Variants in TSC22D1 observed in about 807,000 individuals in gnomAD.
The protein encoded by TSC22D1 is TSC22 domain family member 1, also known as TSC22 domain family protein 1.
TSC22D1 carries 9 observed loss-of-function variants against 74.2 expected under a neutral mutation model. That is an observed-to-expected ratio of 0.12 (90% CI 0.07 to 0.21). The LOEUF (loss-of-function observed/expected upper bound fraction) is 0.21, where lower values mean the gene tolerates loss of function less well. Ranked by LOEUF, TSC22D1 falls within the 10% of genes least tolerant of loss-of-function variation. The pLI, the probability that TSC22D1 is intolerant of heterozygous loss-of-function variation, is 1.00. For missense variants in TSC22D1, 1,427 were observed against 1,304.7 expected, an observed-to-expected ratio of 1.09 and a Z score of -1.44; for synonymous variants, 586 against 492.5, an observed-to-expected ratio of 1.19 and a Z score of -2.51.
upstream of TSC22D1, chr13:44,577,321 G>A (rs1271852101): frequency 2.0e-5 from 3 of 152,492 alleles, no homozygotes; most frequent in Non-Finnish European, 4.4e-5. Context: ...AGTCTCTCGC[G>A]GCATCGGGAG....
At chr13:44,517,855 ATATTTTT>A (rs1880116810) in intron 1 of TSC22D1, among the ~76,000 whole-genome samples, 11 of 23,572 alleles carry the variant, frequency 4.7e-4, no homozygotes, top group African/African-American at 1.2e-3. Context: ...ATATATATAT[ATATTTTT>A]TTTTTTTTTT....
At chr13:44,483,689 T>G (rs1878295509) in intron 1 of TSC22D1, among the ~76,000 whole-genome samples, 1 of 150,782 alleles carries the variant, frequency 6.6e-6, no homozygotes, top group Non-Finnish European at 1.5e-5. Flanking sequence ...AAAAAAGAAT[T>G]ATGAAACAAG....
intron 1 of TSC22D1, among the ~76,000 whole-genome samples, chr13:44,558,033 G>C (rs950440275): frequency 6.6e-6 from 1 of 152,126 alleles, no homozygotes; most frequent in Non-Finnish European, 1.5e-5. Context: ...GGAATTATTA[G>C]GTACACTCAT....
rs190739702 is a variant in TSC22D1, at chr13:44,434,201, G to A, written c.*425C>T. On this transcript the variant is annotated 3_prime_UTR_variant, in exon 3 of 3. Transcript: ENST00000458659. ...CCTCCTTTCAAGTTCCTCCTGGGGG[G>A]AGGAGAGGAGAGAGGCGAGTCCAGT... 2 of 1,450,500 alleles carry A rather than the reference G, an allele frequency of 1.4e-6. No individual in the cohort carries two copies. Among genetic ancestry groups the A allele is most frequent in the East Asian group, 2.6e-5 (1 of 37,958 alleles). 89.9% of individuals were successfully genotyped at this position (1,450,500 alleles called of 1,614,324 possible).
chr13:44,576,082 G>C lies in TSC22D1; in HGVS notation c.-8C>G. ...CTCAGGCGGCTGGTGCATTGTGTTG[G>C]GTACCGGGGGCGCGGAGGAGACGAG... On this transcript the variant is annotated 5_prime_UTR_variant, in exon 1 of 3. Coordinates refer to ENST00000458659, the MANE Select transcript of TSC22D1 (RefSeq NM_183422.4). The C allele has an allele frequency of 1.3e-6, 2 of 1,526,794 alleles. No homozygotes were observed. Among genetic ancestry groups the C allele is most frequent in the Non-Finnish European group, 1.8e-6 (2 of 1,142,230 alleles). The allele number at this position is 1,526,794 out of a possible 1,614,324, so 94.6% of individuals were successfully genotyped here.
At chr13:44,546,065 G>A (rs1011406543) in intron 1 of TSC22D1, among the ~76,000 whole-genome samples, 22 of 152,020 alleles carry the variant, frequency 1.4e-4, no homozygotes, top group Non-Finnish European at 4.4e-5. Context: ...TACGTTTTGC[G>A]AATTAGGCTG....
chr13:44,565,427 A>ACTT (rs1360382239), intron 1 of TSC22D1, among the ~76,000 whole-genome samples: 17 of 152,154 alleles, frequency 1.1e-4, no homozygotes, highest in African/African-American at 3.9e-4. Flanking sequence ...GGTCAAATTG[A>ACTT]CTGGTAAAGA....
chr13:44,434,070 T>C lies in TSC22D1; in HGVS notation c.*556A>G, dbSNP rs764016553. Reference sequence around the variant, plus strand: ...CACTCTCATAGTTTTGTGTCATCCATTGTTTGAGAAGAAAGAGGCACAGTA... The same window carrying C: ...CACTCTCATAGTTTTGTGTCATCCACTGTTTGAGAAGAAAGAGGCACAGTA... On this transcript the variant is annotated 3_prime_UTR_variant, in exon 3 of 3. Transcript: ENST00000458659. The C allele has an allele frequency of 8.8e-5, 134 of 1,524,914 alleles. No individual in the cohort carries two copies. The highest frequency in any genetic ancestry group is 1.1e-4 in the Non-Finnish European group (126 of 1,142,354). The allele number at this position is 1,524,914 out of a possible 1,614,324, so 94.5% of individuals were successfully genotyped here.
intron 1 of TSC22D1, among the ~76,000 whole-genome samples, chr13:44,502,691 A>G (rs1879269612): frequency 6.6e-6 from 1 of 152,136 alleles, no homozygotes; most frequent in Admixed American, 6.5e-5. Context: ...TTGACAGATG[A>G]GGAAACTGTG....
At chr13:44,526,862 A>T (rs1459045424) in intron 1 of TSC22D1, among the ~76,000 whole-genome samples, 1 of 152,192 alleles carries the variant, frequency 6.6e-6, no homozygotes, top group Non-Finnish European at 1.5e-5. Flanking sequence ...CATAAGATAA[A>T]TACCAAAAAT....
chr13:44,507,660 C>T (rs1879503170), intron 1 of TSC22D1, among the ~76,000 whole-genome samples: 2 of 152,086 alleles, frequency 1.3e-5, no homozygotes, highest in Admixed American at 6.5e-5. Context: ...CAATTTTATT[C>T]ATTAGGTAAA....
chr13:44,532,563 TC>T (rs1475860133), intron 1 of TSC22D1, among the ~76,000 whole-genome samples: 1 of 152,136 alleles, frequency 6.6e-6, no homozygotes, highest in Non-Finnish European at 1.5e-5. Flanking sequence ...AAGCTCCGCC[TC>T]CCAGGTCCTC....
chr13:44,436,510 T>C, intron 1 of TSC22D1: 3 of 1,613,592 alleles, frequency 1.9e-6, no homozygotes, highest in South Asian at 1.1e-5. Context: ...TTACCTATTA[T>C]CAAGTCTCAC....
intron 1 of TSC22D1, among the ~76,000 whole-genome samples, chr13:44,467,296 T>G (rs1476625555): frequency 6.6e-6 from 1 of 152,052 alleles, no homozygotes; most frequent in Admixed American, 6.6e-5. Context: ...CCATAAATAT[T>G]CTAGAAGAAA....
intron 1 of TSC22D1, among the ~76,000 whole-genome samples, chr13:44,523,828 A>AAGGTGGCTTCCTT (rs1880427377): frequency 6.6e-6 from 1 of 152,244 alleles, no homozygotes; most frequent in Non-Finnish European, 1.5e-5. Flanking sequence ...GGAAAGACCC[A>AAGGTGGCTTCCTT]AGGTGGCTTC....
intron 1 of TSC22D1, among the ~76,000 whole-genome samples, chr13:44,509,950 C>CAAATAAAAAAAAAAAAAAAAAA (rs1879615011): frequency 1.9e-5 from 1 of 51,426 alleles, no homozygotes; most frequent in Non-Finnish European, 3.6e-5. Context: ...AGAAAATAAG[C>CAAATAAAAAAAAAAAAAAAAAA]AAAAAAAAAA....
rs545311576 is a variant in TSC22D1, at chr13:44,521,446, G to A, written c.2912+51717C>T. ...TAGCATTCCCCTCTTCTGGCCTCCT[G>A]GACTCCTCCCCTTCATCTCTCTTAC... On this transcript the variant is annotated intron_variant, in intron 1 of 2. Coordinates refer to ENST00000458659, the MANE Select transcript of TSC22D1 (RefSeq NM_183422.4). Among the ~76,000 whole-genome samples, 12 of 151,654 alleles carry A rather than the reference G, an allele frequency of 7.9e-5. No individual in the cohort carries two copies. In the South Asian group the frequency reaches 1.7e-3, roughly 21 times the overall value.
intron 1 of TSC22D1, among the ~76,000 whole-genome samples, chr13:44,526,652 G>A (rs1880561378): frequency 6.6e-6 from 1 of 152,194 alleles, no homozygotes; most frequent in African/African-American, 2.4e-5. Flanking sequence ...CAGTCAAAAA[G>A]GCATAGCTGA....
At chr13:44,486,741 C>T (rs1340814932) in intron 1 of TSC22D1, among the ~76,000 whole-genome samples, 2 of 152,132 alleles carry the variant, frequency 1.3e-5, no homozygotes, top group Non-Finnish European at 1.5e-5. Flanking sequence ...CATACAACCA[C>T]GTTTGCTGAA....
Sources: gnomAD v4.1 joint callset for allele counts (sites outside exome capture counted in the v4.1 genomes callset) on GRCh38, gnomAD v4.1.1 for gene constraint, MANE v1.5 for transcripts, NCBI Gene and HGNC (gene_info 2026-07-23, HGNC 2026-07-21) for gene names.